Variants in PRORP observed in about 807,000 individuals in gnomAD.
PRORP encodes the protein protein only RNase P catalytic subunit.
A neutral mutation model predicts 59.4 loss-of-function variants in PRORP; 51 were observed. The ratio of observed to expected loss-of-function variants is 0.86; its 90% CI spans 0.69 to 1.08. The LOEUF (loss-of-function observed/expected upper bound fraction) is 1.08, where lower values mean the gene tolerates loss of function less well. Among genes scored for constraint, PRORP ranks in the 50% least tolerant of loss-of-function variants. The pLI is 0.00. For missense variants in PRORP, 646 were observed against 690.3 expected (o/e 0.94, Z 0.72); for synonymous variants, 231 against 245.6 (o/e 0.94, Z 0.55).
At chr14:35,191,459 C>T (rs1477564837) in intron 5 of PRORP, among the ~76,000 whole-genome samples, 1 of 152,104 alleles carries the variant, frequency 6.6e-6, no homozygotes, top group Non-Finnish European at 1.5e-5. Flanking sequence ...CCCAGCACTT[C>T]AGGAGGCTGA....
At chr14:35,220,776 T>C (rs185066953) in intron 5 of PRORP, among the ~76,000 whole-genome samples, 235 of 152,316 alleles carry the variant, frequency 1.5e-3, no homozygotes, top group Non-Finnish European at 2.6e-3. Context: ...CAAATATTTA[T>C]TGAGGGCCTA....
chr14:35,181,783 C>CCAAAAAAAAAAAA (rs534136447), intron 5 of PRORP, among the ~76,000 whole-genome samples: 1 of 109,410 alleles, frequency 9.1e-6, no homozygotes. Flanking sequence ...AAAACTGTCT[C>CCAAAAAAAAAAAA]AAAAAAAAAA....
In PRORP at chr14:35,275,684, G is replaced by A. The variant is rs1032524408; in HGVS notation, c.*2118G>A. ...GCACATAGAGATAGAGGAGGAGGCC[G>A]AAGTGGTGGCTCATACCTGTTAATT... On this transcript the variant is annotated 3_prime_UTR_variant, in exon 8 of 8. Coordinates refer to ENST00000534898, the MANE Select transcript of PRORP (RefSeq NM_014672.4). 3.9e-5 allele frequency: 6 copies of A among 152,070 alleles called. No individual in the cohort carries two copies. The highest frequency in any genetic ancestry group is 1.4e-4 in the African/African-American group (6 of 41,402). The allele number at this position is 152,070 out of a possible 1,614,324, so 9.4% of individuals were successfully genotyped here.
chr14:35,128,719 C>G (rs1024998661), intron 4 of PRORP, among the ~76,000 whole-genome samples: 5 of 152,208 alleles, frequency 3.3e-5, no homozygotes, highest in Middle Eastern at 3.4e-3. Flanking sequence ...TGGGTCTTCT[C>G]TCCTTTTTTC....
rs547861324 is a variant in PRORP, at chr14:35,204,801, A to G, written c.1275+24024A>G. On this transcript the variant is annotated intron_variant, in intron 5 of 7. Coordinates refer to ENST00000534898, the MANE Select transcript of PRORP (RefSeq NM_014672.4). ...TCTTTCTGTCCAGTTGTTCAGAAATATTAAGCCTTTATGGTATTTCCAGTT... is the reference window on the plus strand; with the variant it reads ...TCTTTCTGTCCAGTTGTTCAGAAATGTTAAGCCTTTATGGTATTTCCAGTT... 2.6e-5 allele frequency among the ~76,000 whole-genome samples: 4 copies of G among 152,336 alleles called. No homozygotes were observed. The South Asian group carries it at 8.3e-4, about 32-fold the overall frequency.
intron 5 of PRORP, among the ~76,000 whole-genome samples, chr14:35,224,953 G>C (rs1328169918): frequency 2.6e-5 from 4 of 152,058 alleles, no homozygotes. Context: ...AGGGTTAGAC[G>C]AATGATGTCC....
rs942249185 is a variant in PRORP at position 35,276,787 on chromosome 14, C to A, written c.*3221C>A. ...TTGACTTTGCCACTTAAAAGTATTTCTAAAATACTTTGTGCTTCCCCCTTG... is the reference window on the plus strand; with the variant it reads ...TTGACTTTGCCACTTAAAAGTATTTATAAAATACTTTGTGCTTCCCCCTTG... On this transcript the variant is annotated 3_prime_UTR_variant, in exon 8 of 8. Coordinates refer to ENST00000534898, the MANE Select transcript of PRORP (RefSeq NM_014672.4). 3.3e-5 allele frequency: 5 copies of A among 152,240 alleles called. No individual in the cohort carries two copies. Among genetic ancestry groups the A allele is most frequent in the South Asian group, 2.1e-4 (1 of 4,822 alleles). The allele number at this position is 152,240 out of a possible 1,614,324, so 9.4% of individuals were successfully genotyped here.
At chr14:35,163,079 G>T (rs1338993482) in intron 4 of PRORP, among the ~76,000 whole-genome samples, 1 of 151,806 alleles carries the variant, frequency 6.6e-6, no homozygotes, top group African/African-American at 2.4e-5. Flanking sequence ...TATAACTTGG[G>T]TTCTGGCACT....
In PRORP at chr14:35,197,315, TA is replaced by T. The variant is rs113886592; in HGVS notation, c.1275+16540del. On this transcript the variant is annotated intron_variant, in intron 5 of 7. Coordinates refer to ENST00000534898, the MANE Select transcript of PRORP (RefSeq NM_014672.4). ...TAGGAAGAGGCCACTTATGAAAATA[TA>T]ATATCCATTTTAACAAGAAAAGTTT... Among the ~76,000 whole-genome samples, 8 of 152,320 alleles carry T rather than the reference TA, an allele frequency of 5.3e-5. 3 individuals carry two copies. The highest frequency in any genetic ancestry group is 1.9e-4 in the African/African-American group (8 of 41,596).
rs146262822 is a variant in PRORP, at chr14:35,256,745, G to A, written c.1276-9982G>A. On this transcript the variant is annotated intron_variant, in intron 5 of 7. Transcript: ENST00000534898. The stretch of plus-strand genomic sequence containing the variant: ...TAATCCGAGAGAAGGAAGTGAATTG[G>A]TATATAGATGAAATTGGATTGGCCG... 3.5e-3 allele frequency among the ~76,000 whole-genome samples: 535 copies of A among 152,172 alleles called. 4 individuals are homozygous for A. The highest frequency in any genetic ancestry group is 0.012 in the African/African-American group (508 of 41,514).
intron 4 of PRORP, among the ~76,000 whole-genome samples, chr14:35,131,532 G>T (rs1440811437): frequency 7.7e-6 from 1 of 130,472 alleles, no homozygotes; most frequent in Non-Finnish European, 1.7e-5. Flanking sequence ...TTGCTTTTTG[G>T]TTTTTTTTTT....
In PRORP at chr14:35,257,047, G is replaced by A. The variant is rs549474731; in HGVS notation, c.1276-9680G>A. Among the ~76,000 whole-genome samples, 7 of 151,636 alleles carry A rather than the reference G, an allele frequency of 4.6e-5. No individual in the cohort carries two copies. In the South Asian group the frequency reaches 1.5e-3, roughly 32 times the overall value. ...GCCACCATACCCAGCTAAGTTTTTT[G>A]TATTTTTAGTAGGGACTGGGTTCTA... On this transcript the variant is annotated intron_variant, in intron 5 of 7. Coordinates refer to ENST00000534898, the MANE Select transcript of PRORP (RefSeq NM_014672.4).
chr14:35,227,501 A>G (rs1209436887), intron 5 of PRORP, among the ~76,000 whole-genome samples: 1 of 152,058 alleles, frequency 6.6e-6, no homozygotes, highest in Non-Finnish European at 1.5e-5. Flanking sequence ...TCCCCTTAGA[A>G]GCATGGAAAT....
chr14:35,135,873 G>T (rs1049730232), intron 4 of PRORP, among the ~76,000 whole-genome samples: 1 of 151,550 alleles, frequency 6.6e-6, no homozygotes, highest in African/African-American at 2.4e-5. Context: ...CAGAAGAATC[G>T]CTGGAACCTG....
At chr14:35,269,257 A>G (rs2051126056) in intron 6 of PRORP, among the ~76,000 whole-genome samples, 1 of 152,236 alleles carries the variant, frequency 6.6e-6, no homozygotes, top group Non-Finnish European at 1.5e-5. Context: ...AAGTACATGG[A>G]AAACATATAT....
At chr14:35,270,376 G>C in intron 6 of PRORP, 25 bp from the exon 7 acceptor site, 1 of 1,605,584 alleles carries the variant, frequency 6.2e-7, no homozygotes, top group Non-Finnish European at 8.5e-7. Flanking sequence ...GTGCTTGATT[G>C]TGTCCTTTCT....
intron 5 of PRORP, 146 bp from the exon 6 acceptor site, chr14:35,266,581 C>A: frequency 1.2e-6 from 1 of 837,460 alleles, no homozygotes; most frequent in Non-Finnish European, 1.9e-6. Context: ...CTCAGGCTTT[C>A]AAAGATGGGA....
At chr14:35,122,879 A>C in intron 1 of PRORP, 73 bp from the exon 2 acceptor site, 2 of 194,368 alleles carry the variant, frequency 1.0e-5, no homozygotes, top group Admixed American at 5.3e-5. Flanking sequence ...TCCCGTGGGA[A>C]TCTGTTCCTT....
At chr14:35,270,182 A>C (rs2051148256) in intron 6 of PRORP, among the ~76,000 whole-genome samples, 1 of 152,254 alleles carries the variant, frequency 6.6e-6, no homozygotes, top group African/African-American at 2.4e-5. Flanking sequence ...TGAGAATCCC[A>C]GGCATTAGCA....
Sources: gnomAD v4.1 joint callset for allele counts (sites outside exome capture counted in the v4.1 genomes callset) on GRCh38, gnomAD v4.1.1 for gene constraint, MANE v1.5 for transcripts, NCBI Gene and HGNC (gene_info 2026-07-23, HGNC 2026-07-21) for gene names.